MITF: variants seen among roughly 807,000 people sequenced by gnomAD.
The protein encoded by MITF is melanocyte inducing transcription factor, also known as microphthalmia-associated transcription factor.
Under a neutral mutation model 60.5 loss-of-function variants are expected in MITF, and 17 were observed. The observed-to-expected ratio is 0.28, with a 90% CI of 0.19 to 0.42. The LOEUF (loss-of-function observed/expected upper bound fraction) is 0.42. MITF is among the 10% of genes least tolerant of loss of function. The pLI, the probability that MITF is intolerant of heterozygous loss-of-function variation, is 1.00. For missense variants in MITF, 622 were observed against 683.5 expected (o/e 0.91, Z 1.00); for synonymous variants, 260 against 248.5 (o/e 1.05, Z -0.43).
chr3:69,822,636 C>A (rs1187771032), intron 1 of MITF, among the ~76,000 whole-genome samples: 1 of 152,128 alleles, frequency 6.6e-6, no homozygotes, highest in Non-Finnish European at 1.5e-5. Context: ...AATAAACCAG[C>A]TGAGTATGAG....
chr3:69,881,698 G>A (rs1336988635), intron 2 of MITF, among the ~76,000 whole-genome samples: 2 of 151,726 alleles, frequency 1.3e-5, no homozygotes, highest in Non-Finnish European at 2.9e-5. Flanking sequence ...TGTGAAGTAA[G>A]TGGTTAATAG....
At chr3:69,820,196 A>G (rs1344066357) in intron 1 of MITF, among the ~76,000 whole-genome samples, 1 of 152,190 alleles carries the variant, frequency 6.6e-6, no homozygotes, top group East Asian at 1.9e-4. Flanking sequence ...AGGTAGTAAA[A>G]TTGACTTCAC....
intron 2 of MITF, among the ~76,000 whole-genome samples, chr3:69,887,821 A>C (rs928350551): frequency 6.6e-6 from 1 of 151,980 alleles, no homozygotes; most frequent in African/African-American, 2.4e-5. Context: ...GATTTTTACT[A>C]GGAGAGCATA....
intron 2 of MITF, among the ~76,000 whole-genome samples, chr3:69,896,404 T>G (rs1354805823): frequency 1.3e-5 from 2 of 152,152 alleles, no homozygotes; most frequent in Non-Finnish European, 2.9e-5. Context: ...CAGATTTTAA[T>G]TTTTTGAAAA....
chr3:69,756,745 C>T (rs1011843751), intron 1 of MITF, among the ~76,000 whole-genome samples: 5 of 152,150 alleles, frequency 3.3e-5, no homozygotes, highest in African/African-American at 1.2e-4. Context: ...ACTTGTACGC[C>T]TACCAACAGT....
intron 1 of MITF, among the ~76,000 whole-genome samples, chr3:69,853,360 A>T (rs2063858088): frequency 6.6e-6 from 1 of 152,132 alleles, no homozygotes; most frequent in Admixed American, 6.5e-5. Flanking sequence ...ATCCTTCTTA[A>T]TGTCTTTAAA....
chr3:69,950,316 A>AC lies in MITF; in HGVS notation c.880+1148_880+1149insC, dbSNP rs2066210082. ...TCTCAAAACAAAGCAAAACAAAACA[A>AC]AACAACAACAACAACAACAACTTAA... On this transcript the variant is annotated intron_variant, in intron 6 of 9. Coordinates refer to ENST00000352241, the MANE Select transcript of MITF (RefSeq NM_001354604.2). Among the ~76,000 whole-genome samples, 8 of 151,652 alleles carry AC rather than the reference A, an allele frequency of 5.3e-5. No homozygotes were observed. The South Asian group carries it at 1.5e-3, about 28-fold the overall frequency.
At chr3:69,917,312 TG>T (rs1165625512) in intron 2 of MITF, among the ~76,000 whole-genome samples, 1 of 151,904 alleles carries the variant, frequency 6.6e-6, no homozygotes, top group Non-Finnish European at 1.5e-5. Flanking sequence ...TCTTAGGTAT[TG>T]GTTACCATCC....
At position 69,965,135 on chromosome 3, in the gene MITF, C is replaced by G. The variant is rs1375274716; in HGVS notation, c.1468C>G (p.Leu490Val). ...GGAAGACATCCTGATGGACGACACC[C>G]TTTCTCCCGTCGGTGTCACTGATCC... ...KLEDILMDDT[L>V]SPVGVTDPLL... is the part of the protein sequence containing the mutation. The change falls in exon 10 of 10, where the codon CTT becomes GTT. Residue 490 changes from leucine (L) to valine (V), a missense_variant. This residue lies in a region of MITF where 224 missense variants were observed against 209.5 expected (regional missense o/e 1.07). Transcript: ENST00000352241. 1 of 1,614,100 alleles carries G rather than the reference C, an allele frequency of 6.2e-7. No homozygotes were observed. Among genetic ancestry groups the G allele is most frequent in the Non-Finnish European group, 8.5e-7 (1 of 1,180,016 alleles).
At chr3:69,854,952 C>T (rs1347949910) in intron 1 of MITF, among the ~76,000 whole-genome samples, 1 of 152,212 alleles carries the variant, frequency 6.6e-6, no homozygotes, top group Non-Finnish European at 1.5e-5. Context: ...TTACCTTCCT[C>T]TTAGTACTTC....
intron 1 of MITF, among the ~76,000 whole-genome samples, chr3:69,802,499 T>C (rs1200193106): frequency 6.6e-6 from 1 of 152,114 alleles, no homozygotes; most frequent in Non-Finnish European, 1.5e-5. Flanking sequence ...TTCTGATGGC[T>C]TGAGACTCAA....
In MITF at chr3:69,879,402, T is replaced by C; in HGVS notation, c.354+19T>C. 1 of 1,614,190 alleles carries C rather than the reference T, an allele frequency of 6.2e-7. No individual in the cohort carries two copies. On this transcript the variant is annotated intron_variant, in intron 2 of 9. Coordinates refer to ENST00000352241, the MANE Select transcript of MITF (RefSeq NM_001354604.2). ...CCTTAAGGTACGTGAGTGTTGCTCT[T>C]GTTGGTTGGACCAAACTCTCTTCCA...
At chr3:69,792,395 C>T (rs2062754728) in intron 1 of MITF, among the ~76,000 whole-genome samples, 2 of 152,062 alleles carry the variant, frequency 1.3e-5, no homozygotes, top group Non-Finnish European at 2.9e-5. Flanking sequence ...TTTCCTCTCT[C>T]ATCTCCTTGC....
intron 2 of MITF, among the ~76,000 whole-genome samples, chr3:69,884,531 A>G (rs17006575): frequency 0.026 from 3,902 of 152,234 alleles, 153 homozygotes; most frequent in African/African-American, 0.086. Flanking sequence ...AATTGGTTCA[A>G]TGTGTAAGTA....
intron 1 of MITF, among the ~76,000 whole-genome samples, chr3:69,790,591 A>G (rs2062724236): frequency 1.3e-5 from 2 of 152,214 alleles, no homozygotes; most frequent in South Asian, 4.1e-4. Context: ...TGAAGTTGCA[A>G]ACCCCAAGGC....
At chr3:69,789,253 A>C (rs2106907610) in intron 1 of MITF, among the ~76,000 whole-genome samples, 1 of 152,368 alleles carries the variant, frequency 6.6e-6, no homozygotes, top group South Asian at 2.1e-4. Flanking sequence ...TAATTGGTTA[A>C]TATCCAGAAT....
At chr3:69,838,954 A>G (rs928293381) in intron 1 of MITF, among the ~76,000 whole-genome samples, 1 of 152,176 alleles carries the variant, frequency 6.6e-6, no homozygotes, top group Admixed American at 6.5e-5. Context: ...CTTTCTTTTC[A>G]AGAGGAGGTT....
At chr3:69,862,313 G>C (rs1461102583) in intron 1 of MITF, among the ~76,000 whole-genome samples, 2 of 152,092 alleles carry the variant, frequency 1.3e-5, no homozygotes, top group Admixed American at 6.5e-5. Flanking sequence ...CATTGGCTGG[G>C]ATCATAATGA....
At chr3:69,917,376 CTTTTTTTTTT>C (rs3044646) in intron 2 of MITF, among the ~76,000 whole-genome samples, 3 of 113,298 alleles carry the variant, frequency 2.6e-5, no homozygotes, top group Non-Finnish European at 5.2e-5. Context: ...CAGTTGCCTC[CTTTTTTTTTT>C]TTTTTTTTTT....
Sources: gnomAD v4.1 joint callset for allele counts (sites outside exome capture counted in the v4.1 genomes callset) on GRCh38, gnomAD v4.1.1 for gene constraint, gnomAD v4.1.1 regional missense constraint, MANE v1.5 for transcripts, NCBI Gene and HGNC (gene_info 2026-07-23, HGNC 2026-07-21) for gene names.